Variants in C11orf65 observed in about 807,000 individuals in gnomAD.
The protein encoded by C11orf65 is protein MFI.
C11orf65 carries 38 observed loss-of-function variants against 35.3 expected under a neutral mutation model. That is an observed-to-expected ratio of 1.08 (90% CI 0.83 to 1.41). The LOEUF (loss-of-function observed/expected upper bound fraction) is 1.41. C11orf65 is among the 40% of genes most tolerant of loss of function. The probability of loss-of-function intolerance (pLI) is 0.00; values close to 1 mark genes in which losing one functional copy is unlikely to be tolerated. For missense variants in C11orf65, 370 were observed against 367.1 expected (o/e 1.01, Z -0.06); for synonymous variants, 105 against 114.4 (o/e 0.92, Z 0.53).
intron 7 of C11orf65, among the ~76,000 whole-genome samples, chr11:108,389,264 A>C (rs192587877): frequency 5.3e-5 from 8 of 152,374 alleles, no homozygotes; most frequent in Admixed American, 2.0e-4. Flanking sequence ...GGGGAAGTAG[A>C]CTGTGGAGAC....
intron 6 of C11orf65, among the ~76,000 whole-genome samples, chr11:108,322,656 A>G (rs2085322247): frequency 6.6e-6 from 1 of 152,194 alleles, no homozygotes; most frequent in African/African-American, 2.4e-5. Flanking sequence ...TTATCAAGAT[A>G]TAAGTTGATT....
intron 6 of C11orf65, among the ~76,000 whole-genome samples, chr11:108,320,663 A>G (rs944523746): frequency 2.0e-5 from 3 of 152,222 alleles, no homozygotes; most frequent in African/African-American, 7.2e-5. Flanking sequence ...TTACACAGCT[A>G]TAAGTGACAG....
At chr11:108,440,744 C>A (rs529128943) in intron 2 of C11orf65, among the ~76,000 whole-genome samples, 19 of 152,236 alleles carry the variant, frequency 1.2e-4, no homozygotes, top group African/African-American at 4.6e-4. Flanking sequence ...CTTTTTATGA[C>A]CTAGACTAAG....
chr11:108,412,542 T>C (rs1291317853), intron 3 of C11orf65, among the ~76,000 whole-genome samples: 1 of 152,090 alleles, frequency 6.6e-6, no homozygotes, highest in Non-Finnish European at 1.5e-5. Flanking sequence ...AAGACGAACC[T>C]GGGCAATATA....
intron 6 of C11orf65, chr11:108,317,652 T>TATATATATATATATATATAC (rs1399501257): frequency 2.6e-5 from 3 of 117,456 alleles, no homozygotes; most frequent in South Asian, 2.9e-4. Context: ...TATATATATA[T>TATATATATATATATATATAC]ACACACACAC....
Position 108,345,854 on chromosome 11 carries a change from A to G in C11orf65, c.227-10562T>C, listed in dbSNP as rs756230327. ...CATGGAAAAATTCTTGGATCCAGCT[A>G]TTTGGTTTGAGAAGCGATTGGCTTA... is the stretch of plus-strand genomic sequence containing the variant. On this transcript the variant is annotated intron_variant, in intron 2 of 3. Transcript: ENST00000524755. The G allele has an allele frequency of 1.1e-5, 18 of 1,613,692 alleles. No individual in the cohort carries two copies. In the East Asian group the frequency reaches 1.8e-4, roughly 16 times the overall value.
At chr11:108,382,704 A>G (rs531804075), downstream of C11orf65, 2 of 866,466 alleles carry the variant, frequency 2.3e-6, no homozygotes, top group East Asian at 2.4e-4. Flanking sequence ...GCCTTCCATG[A>G]ATGCACTAAA....
chr11:108,313,191 T>A (rs2084323978), intron 6 of C11orf65, among the ~76,000 whole-genome samples: 1 of 152,244 alleles, frequency 6.6e-6, no homozygotes, highest in African/African-American at 2.4e-5. Flanking sequence ...TGCTTTGTTT[T>A]TTTATCTGCT....
At chr11:108,437,117 G>C (rs914540306) in intron 2 of C11orf65, among the ~76,000 whole-genome samples, 1 of 148,840 alleles carries the variant, frequency 6.7e-6, no homozygotes, top group East Asian at 2.0e-4. Flanking sequence ...AAAAGGGGGG[G>C]GGTGGACAAA....
chr11:108,417,885 C>A (rs1045407694), intron 3 of C11orf65, among the ~76,000 whole-genome samples: 1 of 151,130 alleles, frequency 6.6e-6, no homozygotes, highest in Non-Finnish European at 1.5e-5. Context: ...CCTGCACATT[C>A]TGCACAAGTA....
At chr11:108,435,394 T>A (rs1177068177) in intron 2 of C11orf65, among the ~76,000 whole-genome samples, 1 of 152,172 alleles carries the variant, frequency 6.6e-6, no homozygotes, top group Non-Finnish European at 1.5e-5. Flanking sequence ...AAATGAGCTA[T>A]TACTACCAGT....
intron 3 of C11orf65, among the ~76,000 whole-genome samples, chr11:108,422,111 G>C (rs1335889231): frequency 6.6e-6 from 1 of 151,994 alleles, no homozygotes. Context: ...TGTATTTTTA[G>C]TAGAGACGGG....
At chr11:108,391,594 G>A (rs2092162115) in intron 7 of C11orf65, among the ~76,000 whole-genome samples, 1 of 152,138 alleles carries the variant, frequency 6.6e-6, no homozygotes, top group Non-Finnish European at 1.5e-5. Context: ...GATCAGGCTG[G>A]TCTTGAACTC....
At chr11:108,410,311 C>G (rs866625603) in intron 3 of C11orf65, among the ~76,000 whole-genome samples, 1 of 152,158 alleles carries the variant, frequency 6.6e-6, no homozygotes, top group South Asian at 2.1e-4. Context: ...TGCTGAGCAC[C>G]TTGCATATGC....
At chr11:108,464,279 T>A (rs1266800667) in intron 1 of C11orf65, among the ~76,000 whole-genome samples, 1 of 152,040 alleles carries the variant, frequency 6.6e-6, no homozygotes, top group Non-Finnish European at 1.5e-5. Context: ...TGACAAAAGG[T>A]ATGCACATAT....
chr11:108,414,902 A>AT (rs1836603177), intron 3 of C11orf65, among the ~76,000 whole-genome samples: 1 of 152,120 alleles, frequency 6.6e-6, no homozygotes, highest in African/African-American at 2.4e-5. Flanking sequence ...CCACTATTAT[A>AT]TTGTATCAAC....
intron 2 of C11orf65, among the ~76,000 whole-genome samples, chr11:108,374,324 G>C (rs1031192225): frequency 6.6e-5 from 10 of 152,192 alleles, no homozygotes; most frequent in African/African-American, 2.4e-4. Flanking sequence ...AGCATTCGCG[G>C]TTCATGAAAA....
At chr11:108,366,613 G>C (rs1425596093) in intron 2 of C11orf65, 1 of 230,712 alleles carries the variant, frequency 4.3e-6, no homozygotes, top group Non-Finnish European at 8.6e-6. Flanking sequence ...ATATTCCCAG[G>C]GCTGTTGCTG....
At chr11:108,325,687 TC>T in intron 6 of C11orf65, 1 of 810,854 alleles carries the variant, frequency 1.2e-6, no homozygotes, top group Non-Finnish European at 1.9e-6. Flanking sequence ...GTTTAAGAGT[TC>T]CCATTTTGGA....
Sources: allele counts gnomAD v4.1 joint callset (sites outside exome capture counted in the v4.1 genomes callset), GRCh38; gene constraint gnomAD v4.1.1; transcripts MANE v1.5; gene names NCBI Gene and HGNC (gene_info 2026-07-23, HGNC 2026-07-21).